Variants in PER2 observed in about 807,000 individuals in gnomAD.
PER2 encodes period circadian regulator 2.
In PER2, 66 loss-of-function variants were observed where a neutral mutation model predicts 121.0. That is an observed-to-expected ratio of 0.55 (90% CI 0.45 to 0.67). The LOEUF is 0.67. PER2 is among the 30% of genes least tolerant of loss of function. The probability of loss-of-function intolerance (pLI) is 0.00; values close to 1 mark genes in which losing one functional copy is unlikely to be tolerated. For synonymous variants in PER2, 684 were observed against 659.9 expected, an observed-to-expected ratio of 1.04 and a Z score of -0.56; for missense variants, 1,521 against 1,635.0, an observed-to-expected ratio of 0.93 and a Z score of 1.20.
At position 238,253,627 on chromosome 2, in the gene PER2, G is replaced by T; in HGVS notation, c.2396C>A (p.Ser799Tyr). The T allele has an allele frequency of 6.2e-7, 1 of 1,609,612 alleles. No individual in the cohort carries two copies. Among genetic ancestry groups the T allele is most frequent in the Non-Finnish European group, 8.5e-7 (1 of 1,177,786 alleles). The change falls in exon 19 of 23, where the codon TCC becomes TAC. Residue 799 changes from serine to tyrosine, a missense_variant. By Grantham distance (144) the Ser-to-Tyr change is moderately radical. Coordinates refer to ENST00000254657, the MANE Select transcript of PER2 (RefSeq NM_022817.3). The surrounding 1 kb of genome is among the most constrained non-coding windows in gnomAD (Gnocchi z 5.6). The part of the protein sequence containing the change: ...KKTGKNRKLK[S>Y]KRVKPRDSSE... ...TGAGTCTCGAGGTTTGACCCGCTTGGACTTCAATTTTCTGTTCTTTCCTGT... is the reference window on the plus strand; with the variant it reads ...TGAGTCTCGAGGTTTGACCCGCTTGTACTTCAATTTTCTGTTCTTTCCTGT...
Position 238,262,324 on chromosome 2 carries a change from G to C in PER2, c.1174C>G (p.Pro392Ala). ...AACCGAATGGGAGAATAGTCGAAAG[G>C]CTGCCCGCCTGACTGCAGGACTAGG... ...HKKILQSGGQ[P>A]FDYSPIRFRA... is the part of the protein sequence containing the mutation. Residue 392 changes from proline to alanine, a missense_variant, in exon 11 of 23, where the codon CCT becomes GCT. By Grantham distance (27) the Pro-to-Ala change is conservative. Transcript: ENST00000254657. 1 of 1,614,070 alleles carries C rather than the reference G, an allele frequency of 6.2e-7. No individual in the cohort carries two copies. The highest frequency in any genetic ancestry group is 1.1e-5 in the South Asian group (1 of 91,072).
chr2:238,263,788 G>A (rs1044775831), intron 9 of PER2, among the ~76,000 whole-genome samples: 1 of 152,186 alleles, frequency 6.6e-6, no homozygotes, highest in African/African-American at 2.4e-5. Flanking sequence ...AGACCATGGT[G>A]CAGAACTTTC....
In PER2 at chr2:238,268,180, C is replaced by T. The variant is rs1480265136; in HGVS notation, c.843G>A (p.Glu281=). 5 of 1,614,096 alleles carry T rather than the reference C, an allele frequency of 3.1e-6. No homozygotes were observed. Among genetic ancestry groups the T allele is most frequent in the Middle Eastern group, 1.6e-4 (1 of 6,062 alleles). ...GGAAGGGGTGGTAGCGGATTTCATT[C>T]TCGTGGCTTTTCCGGACACTGCGGA... ...FCRVSVRKSH[E]NEIRYHPFRM... is the part of the protein sequence containing the mutation. The change falls in exon 8 of 23, where the codon GAG becomes GAA. Residue 281 remains glutamate, a synonymous_variant. Coordinates refer to ENST00000254657, the MANE Select transcript of PER2 (RefSeq NM_022817.3). This position sits in a 1 kb window ranked among gnomAD's most constrained non-coding sequence, Gnocchi z 4.0.
Position 238,252,461 on chromosome 2 carries a change from C to T in PER2, c.3111+451G>A, listed in dbSNP as rs139748355. Among the ~76,000 whole-genome samples the T allele has an allele frequency of 6.6e-5, 10 of 152,324 alleles. No individual in the cohort carries two copies. In the East Asian group the frequency reaches 9.6e-4, roughly 15 times the overall value. On this transcript the variant is annotated intron_variant, in intron 19 of 22. Coordinates refer to ENST00000254657, the MANE Select transcript of PER2 (RefSeq NM_022817.3). The surrounding 1 kb of genome is among the most constrained non-coding windows in gnomAD (Gnocchi z 4.2). ...ATCTCACACAGTGTCCCTACGCCTG[C>T]GGAGGATGGAAACTGAGGTCACGCT...
chr2:238,283,201 T>A (rs1450651924), intron 1 of PER2, among the ~76,000 whole-genome samples: 2 of 152,254 alleles, frequency 1.3e-5, no homozygotes, highest in African/African-American at 2.4e-5. Flanking sequence ...TGGACCTTTC[T>A]GAAGTTGTCT....
chr2:238,267,523 G>A (rs1006513372), intron 8 of PER2, among the ~76,000 whole-genome samples: 2 of 152,210 alleles, frequency 1.3e-5, no homozygotes, highest in South Asian at 2.1e-4. Context: ...GGAGAGTCAT[G>A]TCAGTGCATG....
At position 238,246,196 on chromosome 2, in the gene PER2, C is replaced by T. The variant is rs1028626939; in HGVS notation, c.*179G>A. 3 of 425,440 alleles carry T rather than the reference C, an allele frequency of 7.1e-6. No individual in the cohort carries two copies. Among genetic ancestry groups the T allele is most frequent in the African/African-American group, 6.1e-5 (3 of 49,372 alleles). The allele number at this position is 425,440 out of a possible 1,614,324, so 26.4% of individuals were successfully genotyped here. ...AAACATATTTCTTTCCGAACTCTCC[C>T]CACTCTCCACAGTTTTAAGTCGCCC... On this transcript the variant is annotated 3_prime_UTR_variant, in exon 23 of 23. Coordinates refer to ENST00000254657, the MANE Select transcript of PER2 (RefSeq NM_022817.3).
chr2:238,257,171 C>T, intron 16 of PER2, 85 bp from the exon 17 acceptor site: 2 of 1,243,514 alleles, frequency 1.6e-6, no homozygotes, highest in Non-Finnish European at 2.3e-6. Context: ...AGTGCCCATA[C>T]AGCTTCCACA....
chr2:238,264,619 C>T (rs551331450), intron 9 of PER2, among the ~76,000 whole-genome samples: 2 of 152,262 alleles, frequency 1.3e-5, no homozygotes, highest in South Asian at 2.1e-4. Flanking sequence ...GTGGCCCACA[C>T]ATTTTTTTTC....
the PER2 span, among the ~76,000 whole-genome samples, chr2:238,295,999 CCCT>C: frequency 2.6e-5 from 4 of 151,954 alleles, no homozygotes; most frequent in Non-Finnish European, 5.9e-5. Flanking sequence ...ATCCACACAG[CCCT>C]CCTGCTGCAG....
In PER2 at chr2:238,258,653, A is replaced by G; in HGVS notation, c.1628-9T>C. The G allele has an allele frequency of 6.2e-7, 1 of 1,613,670 alleles. No individual in the cohort carries two copies. Among genetic ancestry groups the G allele is most frequent in the Non-Finnish European group, 8.5e-7 (1 of 1,179,818 alleles). On this transcript the variant is annotated splice_polypyrimidine_tract_variant and intron_variant, in intron 14 of 22. Coordinates refer to ENST00000254657, the MANE Select transcript of PER2 (RefSeq NM_022817.3). ...GGGATTAGTTTGCATTTCTGAAGGAATGGCAAAATTGTTCTTTCATTCATT... is the reference window on the plus strand; with the variant it reads ...GGGATTAGTTTGCATTTCTGAAGGAGTGGCAAAATTGTTCTTTCATTCATT...
chr2:238,295,194 G>C, the PER2 span, among the ~76,000 whole-genome samples: 1 of 151,770 alleles, frequency 6.6e-6, no homozygotes, highest in Non-Finnish European at 1.5e-5. Context: ...TTGTTGGTTG[G>C]AAGCAACAAA....
rs562978975 is a variant in PER2, at chr2:238,246,293, G to A, written c.*82C>T. ...ATGAGCATATGTGTCCATTTCAGTG[G>A]AAACAGCCATGAAGATCTTTCATCT... On this transcript the variant is annotated 3_prime_UTR_variant, in exon 23 of 23. Transcript: ENST00000254657. The A allele has an allele frequency of 5.6e-6, 6 of 1,063,466 alleles. No homozygotes were observed. In the East Asian group the frequency reaches 1.5e-4, roughly 27 times the overall value. The allele number at this position is 1,063,466 out of a possible 1,614,324, so 65.9% of individuals were successfully genotyped here.
chr2:238,285,741 C>T (rs572164077), intron 1 of PER2, among the ~76,000 whole-genome samples: 2 of 121,704 alleles, frequency 1.6e-5, no homozygotes, highest in Non-Finnish European at 3.9e-5. Flanking sequence ...CCATCTACCC[C>T]GCGGGGACTC....
chr2:238,256,262 T>A (rs955750473), intron 17 of PER2, among the ~76,000 whole-genome samples: 3 of 152,088 alleles, frequency 2.0e-5, no homozygotes, highest in Non-Finnish European at 4.4e-5. Flanking sequence ...TCTTTCCGGG[T>A]TTGGGACCAG....
At chr2:238,296,070 C>T in the PER2 span, among the ~76,000 whole-genome samples, 2 of 105,270 alleles carry the variant, frequency 1.9e-5, no homozygotes, top group Admixed American at 9.5e-5. Context: ...GCTGCAGAGT[C>T]AGTCGTGTGC....
rs1695683753 is a variant in PER2 at position 238,253,798 on chromosome 2, C to CA, written c.2321-97dup. ...AGTCCTGGGTTTCCAAATGCTGGCC[C>CA]AGGGCCTGCCTGGTCCACCGAGCGG... is the stretch of plus-strand genomic sequence containing the variant. On this transcript the variant is annotated intron_variant, in intron 18 of 22. Coordinates refer to ENST00000254657, the MANE Select transcript of PER2 (RefSeq NM_022817.3). The surrounding 1 kb of genome is among the most constrained non-coding windows in gnomAD (Gnocchi z 5.6). 5 of 960,774 alleles carry CA rather than the reference C, an allele frequency of 5.2e-6. No individual in the cohort carries two copies. Among genetic ancestry groups the CA allele is most frequent in the Non-Finnish European group, 4.8e-6 (3 of 623,504 alleles). 59.5% of individuals were successfully genotyped at this position (960,774 alleles called of 1,614,324 possible). A position where few individuals can be genotyped will look rare whatever the true frequency, so the allele number is the denominator to read the frequency against.
Position 238,288,552 on chromosome 2 carries a change from G to C in PER2, c.-223C>G, listed in dbSNP as rs1479118197. The C allele has an allele frequency of 5.3e-5, 8 of 151,678 alleles. No homozygotes were observed. The East Asian group carries it at 1.6e-3, about 29-fold the overall frequency. The allele number at this position is 151,678 out of a possible 1,614,324, so 9.4% of individuals were successfully genotyped here. ...AGGAACTTCCGGCGGCGCCTCCGCT[G>C]CCCGAGCCGGCGCTGGGACCCCGAC... On this transcript the variant is annotated 5_prime_UTR_variant, in exon 1 of 23. Coordinates refer to ENST00000254657, the MANE Select transcript of PER2 (RefSeq NM_022817.3).
At chr2:238,271,613 G>T (rs541275858) in intron 5 of PER2, 100 bp from the exon 6 acceptor site, 25 of 875,024 alleles carry the variant, frequency 2.9e-5, no homozygotes, top group South Asian at 1.1e-4. Flanking sequence ...CACCAGGAGC[G>T]TTGGAGGTGG....
Sources: allele counts gnomAD v4.1 joint callset (sites outside exome capture counted in the v4.1 genomes callset), GRCh38; gene constraint gnomAD v4.1.1; non-coding constraint Gnocchi (gnomAD v3.1); transcripts MANE v1.5; gene names NCBI Gene and HGNC (gene_info 2026-07-23, HGNC 2026-07-21).